FARP1: variants seen among roughly 807,000 people sequenced by gnomAD.
FARP1 encodes FERM, ARHGEF and pleckstrin domain-containing protein 1.
FARP1 carries 52 observed loss-of-function variants against 128.8 expected under a neutral mutation model. That is an observed-to-expected ratio of 0.40 (90% CI 0.32 to 0.51). The LOEUF (loss-of-function observed/expected upper bound fraction) is 0.51, where lower values mean the gene tolerates loss of function less well. FARP1 is among the 20% of genes least tolerant of loss of function. The pLI, the probability that FARP1 is intolerant of heterozygous loss-of-function variation, is 0.45. For missense variants in FARP1, 1,333 were observed against 1,367.9 expected (o/e 0.97, Z 0.40); for synonymous variants, 580 against 551.8 (o/e 1.05, Z -0.72).
chr13:98,365,265 G>A lies in FARP1; in HGVS notation c.277-130G>A, dbSNP rs1889036756. On this transcript the variant is annotated intron_variant, in intron 3 of 26. Transcript: ENST00000319562. ...ACAACGTAAGATACGGCATTCTGGA[G>A]AAAAATGGAACAGGCGGCCTCATAT... The A allele has an allele frequency of 1.4e-5, 9 of 641,180 alleles. No homozygotes were observed. In the Middle Eastern group the frequency reaches 1.4e-3, roughly 98 times the overall value. The allele number at this position is 641,180 out of a possible 1,614,324, so 39.7% of individuals were successfully genotyped here. A position where few individuals can be genotyped will look rare whatever the true frequency, so the allele number is the denominator to read the frequency against.
At chr13:98,287,403 G>C (rs1352191485) in intron 2 of FARP1, among the ~76,000 whole-genome samples, 1 of 151,210 alleles carries the variant, frequency 6.6e-6, no homozygotes, top group Non-Finnish European at 1.5e-5. Context: ...CTAATTTTTT[G>C]TATTTTTAGT....
At chr13:98,168,171 C>CA (rs61061654) in intron 1 of FARP1, among the ~76,000 whole-genome samples, 2,622 of 140,334 alleles carry the variant, frequency 0.019, 44 homozygotes, top group Middle Eastern at 0.06. Flanking sequence ...GACTCCATCT[C>CA]AAAAAAAAAA....
At chr13:98,184,279 G>A (rs182116098) in intron 1 of FARP1, among the ~76,000 whole-genome samples, 84 of 152,072 alleles carry the variant, frequency 5.5e-4, no homozygotes, top group African/African-American at 1.5e-3. Flanking sequence ...CACCCCACCC[G>A]GCTAATTTTT....
At chr13:98,282,499 TAATG>T (rs1050076359) in intron 2 of FARP1, among the ~76,000 whole-genome samples, 14 of 152,126 alleles carry the variant, frequency 9.2e-5, no homozygotes, top group African/African-American at 3.4e-4. Flanking sequence ...ATAGTAATAA[TAATG>T]GATGTTTGAT....
chr13:98,184,600 T>G (rs1878738188), intron 1 of FARP1, among the ~76,000 whole-genome samples: 1 of 152,142 alleles, frequency 6.6e-6, no homozygotes, highest in South Asian at 2.1e-4. Context: ...TTAAAAAATA[T>G]TTGAAGGGAA....
intron 2 of FARP1, among the ~76,000 whole-genome samples, chr13:98,301,166 G>A (rs773558872): frequency 6.6e-6 from 1 of 152,200 alleles, no homozygotes; most frequent in African/African-American, 2.4e-5. Context: ...CTGCTCAAAT[G>A]TCAGTAATGC....
intron 2 of FARP1, among the ~76,000 whole-genome samples, chr13:98,286,672 A>C (rs1594360449): frequency 6.6e-6 from 1 of 152,158 alleles, no homozygotes; most frequent in East Asian, 1.9e-4. Context: ...CAGCGTGAAA[A>C]TGGACTAAAA....
chr13:98,300,416 G>C (rs976766338), intron 2 of FARP1, among the ~76,000 whole-genome samples: 1 of 152,220 alleles, frequency 6.6e-6, no homozygotes, highest in African/African-American at 2.4e-5. Flanking sequence ...GCAGTGAAGA[G>C]AGCTGGGCAG....
chr13:98,301,367 T>C (rs1885917503), intron 2 of FARP1, among the ~76,000 whole-genome samples: 1 of 152,224 alleles, frequency 6.6e-6, no homozygotes, highest in African/African-American at 2.4e-5. Flanking sequence ...CAGACAGGTC[T>C]GCTTGGCAGA....
chr13:98,295,597 T>C (rs1280474701), intron 2 of FARP1, among the ~76,000 whole-genome samples: 1 of 152,230 alleles, frequency 6.6e-6, no homozygotes, highest in East Asian at 1.9e-4. Flanking sequence ...AGTCAGTTTC[T>C]TATGCATCTT....
At chr13:98,177,018 C>T (rs1878116088) in intron 1 of FARP1, 6 of 1,596,706 alleles carry the variant, frequency 3.8e-6, no homozygotes, top group Non-Finnish European at 5.1e-6. Flanking sequence ...GAGCCGCCTT[C>T]TGCCAGCTGT....
At chr13:98,344,365 T>C (rs1042873842) in intron 3 of FARP1, among the ~76,000 whole-genome samples, 1 of 152,006 alleles carries the variant, frequency 6.6e-6, no homozygotes, top group Non-Finnish European at 1.5e-5. Flanking sequence ...ATTGAATGAA[T>C]ACCCCTGTGG....
At chr13:98,216,452 C>T (rs1012159171) in intron 2 of FARP1, among the ~76,000 whole-genome samples, 1 of 152,230 alleles carries the variant, frequency 6.6e-6, no homozygotes, top group Non-Finnish European at 1.5e-5. Context: ...AATGACTTCT[C>T]ATGGCTCAGT....
At chr13:98,190,470 C>A (rs1044900464) in intron 1 of FARP1, among the ~76,000 whole-genome samples, 4 of 152,322 alleles carry the variant, frequency 2.6e-5, no homozygotes, top group Middle Eastern at 3.4e-3. Flanking sequence ...TTATTAGAAG[C>A]AAAATCAAGG....
chr13:98,357,741 G>T (rs1426242033), intron 3 of FARP1, among the ~76,000 whole-genome samples: 1 of 152,108 alleles, frequency 6.6e-6, no homozygotes, highest in African/African-American at 2.4e-5. Flanking sequence ...TTCCTTGTGG[G>T]TCACATTTTC....
rs1594465809 is a variant in FARP1 at position 98,379,068 on chromosome 13, T to TATATACA, written c.496+1154_496+1155insACAATAT. 9.9e-5 allele frequency among the ~76,000 whole-genome samples: 9 copies of TATATACA among 91,076 alleles called. No homozygotes were observed. The East Asian group carries it at 2.1e-3, about 21-fold the overall frequency. 59.7% of individuals were successfully genotyped at this position (91,076 alleles called of 152,430 possible). A position where few individuals can be genotyped will look rare whatever the true frequency, so the allele number is the denominator to read the frequency against. On this transcript the variant is annotated intron_variant, in intron 6 of 26. Coordinates refer to ENST00000319562, the MANE Select transcript of FARP1 (RefSeq NM_005766.4). ...TATGTAATCTATATATAATATATAA[T>TATATACA]ATATGTAATATGTAATCTATATATA...
chr13:98,362,764 G>T (rs953420425), intron 3 of FARP1, among the ~76,000 whole-genome samples: 1 of 152,086 alleles, frequency 6.6e-6, no homozygotes, highest in South Asian at 2.1e-4. Flanking sequence ...AAATTAACTC[G>T]GCTGGAACCT....
At chr13:98,244,461 G>A (rs749233113) in intron 2 of FARP1, 69 of 1,596,144 alleles carry the variant, frequency 4.3e-5, no homozygotes, top group Middle Eastern at 1.7e-4. Flanking sequence ...CCTTTTCAAG[G>A]GAGTAGCATT....
intron 2 of FARP1, among the ~76,000 whole-genome samples, chr13:98,236,336 T>G (rs970470587): frequency 6.6e-6 from 1 of 152,224 alleles, no homozygotes; most frequent in African/African-American, 2.4e-5. Context: ...AAACACGATT[T>G]AATTAAAACC....
Sources: gnomAD v4.1 joint callset for allele counts (sites outside exome capture counted in the v4.1 genomes callset) on GRCh38, gnomAD v4.1.1 for gene constraint, MANE v1.5 for transcripts, NCBI Gene and HGNC (gene_info 2026-07-23, HGNC 2026-07-21) for gene names.